The following PUS10 variants were observed in gnomAD, a reference collection of about 807,000 sequenced individuals.
The protein encoded by PUS10 is pseudouridine synthase 10.
Under a neutral mutation model 75.0 loss-of-function variants are expected in PUS10, and 59 were observed. That is an observed-to-expected ratio of 0.79 (90% CI 0.64 to 0.98). PUS10 has a LOEUF of 0.98. Among genes scored for constraint, PUS10 ranks in the 50% least tolerant of loss-of-function variants. PUS10 has a pLI of 0.00. For missense variants in PUS10, 650 were observed against 614.4 expected (o/e 1.06, Z -0.61); for synonymous variants, 219 against 211.6 (o/e 1.03, Z -0.30).
At chr2:61,017,479 T>C in intron 1 of PUS10, 1 of 332,472 alleles carries the variant, frequency 3.0e-6, no homozygotes, top group Non-Finnish European at 5.5e-6. Context: ...TCTAGGGAGT[T>C]GTAGCCGCTA....
chr2:61,014,828 A>G (rs1212776496), intron 1 of PUS10, among the ~76,000 whole-genome samples: 1 of 152,214 alleles, frequency 6.6e-6, no homozygotes, highest in Non-Finnish European at 1.5e-5. Context: ...TGATTCTTCT[A>G]GTCTGCGTTT....
At chr2:60,961,373 A>C in intron 10 of PUS10, 90 bp downstream of exon 10, 1 of 934,062 alleles carries the variant, frequency 1.1e-6, no homozygotes. Context: ...TAATAACAAC[A>C]ATAAGAATAA....
intron 10 of PUS10, 90 bp downstream of exon 10, chr2:60,961,373 A>G (rs1417980456): frequency 1.1e-6 from 1 of 934,062 alleles, no homozygotes; most frequent in Non-Finnish European, 1.7e-6. Flanking sequence ...TAATAACAAC[A>G]ATAAGAATAA....
At chr2:60,996,393 G>A (rs1431895505) in intron 4 of PUS10, among the ~76,000 whole-genome samples, 1 of 152,064 alleles carries the variant, frequency 6.6e-6, no homozygotes, top group Non-Finnish European at 1.5e-5. Flanking sequence ...TCCTAAACCT[G>A]CACCCATGTC....
At chr2:61,010,626 A>G (rs1679539387) in intron 2 of PUS10, 2 of 775,558 alleles carry the variant, frequency 2.6e-6, no homozygotes, top group East Asian at 2.9e-5. Flanking sequence ...CACCCAGCCA[A>G]TTTCTGGTTT....
At chr2:60,975,804 C>A (rs1677001572) in intron 4 of PUS10, among the ~76,000 whole-genome samples, 1 of 152,014 alleles carries the variant, frequency 6.6e-6, no homozygotes, top group Non-Finnish European at 1.5e-5. Context: ...CTCTGTCACC[C>A]AGGCTGGAGT....
rs1309799791 is a variant in PUS10 at position 60,953,052 on chromosome 2, A to G, written c.1253T>C (p.Ile418Thr). ...CTTCTGTATCGCTTTATTTGTCCAA[A>G]TTAAGGCACTGTAGGTCTTTGTCTT... is the stretch of plus-strand genomic sequence containing the variant. ...EEKTKTYSALIWTNKAIQKKD... is the reference protein window; with the variant it reads ...EEKTKTYSALTWTNKAIQKKD... The change falls in exon 15 of 18, where the codon ATT becomes ACT. Residue 418 changes from isoleucine to threonine, a missense_variant. Transcript: ENST00000316752. 5.0e-6 allele frequency: 8 copies of G among 1,609,774 alleles called. No homozygotes were observed. Among genetic ancestry groups the G allele is most frequent in the Middle Eastern group, 1.7e-4 (1 of 6,058 alleles).
At chr2:61,003,402 C>T (rs1678979685) in intron 4 of PUS10, among the ~76,000 whole-genome samples, 1 of 148,428 alleles carries the variant, frequency 6.7e-6, no homozygotes, top group African/African-American at 2.5e-5. Context: ...GCGGAGGCTG[C>T]AGTGAGCAGA....
rs189989890 is a variant in PUS10, at chr2:60,988,145, C to G, written c.469-16588G>C. Among the ~76,000 whole-genome samples the G allele has an allele frequency of 7.9e-5, 12 of 151,718 alleles. No individual in the cohort carries two copies. The East Asian group carries it at 2.3e-3, about 29-fold the overall frequency. On this transcript the variant is annotated intron_variant, in intron 4 of 17. Transcript: ENST00000316752. Reference sequence around the variant, plus strand: ...AATAACTAAACAAACTTTAAAAGGCCTAGGCTCACGAGATGTCAAAAATGA... The same window carrying G: ...AATAACTAAACAAACTTTAAAAGGCGTAGGCTCACGAGATGTCAAAAATGA...
At chr2:61,011,980 A>C (rs1679637321) in intron 1 of PUS10, 75 bp from the exon 2 acceptor site, 1 of 1,197,988 alleles carries the variant, frequency 8.3e-7, no homozygotes, top group Non-Finnish European at 1.2e-6. Flanking sequence ...ATGTTTAGGG[A>C]TAAAAACTAG....
Position 61,007,215 on chromosome 2 carries a change from GTTT to G in PUS10, c.382-575_382-573del, listed in dbSNP as rs758807191. ...AGTAATTTGAGAAGAGTAGGCTTTT[GTTT>G]TTTTTTTTTTAAAAAAAAGAAAATA... On this transcript the variant is annotated intron_variant, in intron 3 of 17. Coordinates refer to ENST00000316752, the MANE Select transcript of PUS10 (RefSeq NM_144709.4). Among the ~76,000 whole-genome samples the G allele has an allele frequency of 6.5e-3, 944 of 144,542 alleles. 7 individuals are homozygous for G. Among genetic ancestry groups the G allele is most frequent in the African/African-American group, 0.022 (872 of 39,240 alleles). 94.8% of individuals were successfully genotyped at this position (144,542 alleles called of 152,430 possible).
At chr2:60,942,680 C>T (rs544579573) in intron 17 of PUS10, among the ~76,000 whole-genome samples, 3 of 152,062 alleles carry the variant, frequency 2.0e-5, no homozygotes, top group Non-Finnish European at 4.4e-5. Flanking sequence ...TGCTTTTTGA[C>T]TGATAAGAGA....
At chr2:60,977,652 A>G (rs1573449343) in intron 4 of PUS10, among the ~76,000 whole-genome samples, 2 of 152,206 alleles carry the variant, frequency 1.3e-5, no homozygotes, top group South Asian at 4.1e-4. Flanking sequence ...TGAGAAAGTC[A>G]TATTTTCCAG....
At chr2:60,952,345 A>G (rs918550833) in intron 15 of PUS10, among the ~76,000 whole-genome samples, 2 of 151,688 alleles carry the variant, frequency 1.3e-5, no homozygotes, top group African/African-American at 4.8e-5. Flanking sequence ...AAAAAAAAAA[A>G]AAAAAAAGAA....
intron 6 of PUS10, 53 bp from the exon 7 acceptor site, chr2:60,965,537 C>T: frequency 8.2e-7 from 1 of 1,222,426 alleles, no homozygotes; most frequent in Non-Finnish European, 1.2e-6. Flanking sequence ...TAACATCTAA[C>T]AACTTATTAA....
At chr2:60,960,242 G>A in intron 11 of PUS10, 150 bp downstream of exon 11, 1 of 492,028 alleles carries the variant, frequency 2.0e-6, no homozygotes. Context: ...ACTTTAGGAG[G>A]CCAAGGTGGG....
chr2:60,966,700 C>T (rs1676363262), intron 6 of PUS10: 1 of 152,220 alleles, frequency 6.6e-6, no homozygotes, highest in South Asian at 2.1e-4. Flanking sequence ...ATTCTCTATT[C>T]TCTCAATACT....
chr2:60,998,444 C>T (rs1678622895), intron 4 of PUS10, among the ~76,000 whole-genome samples: 1 of 152,184 alleles, frequency 6.6e-6, no homozygotes, highest in Admixed American at 6.5e-5. Context: ...GTAATCCTAG[C>T]ACTTTGGGAG....
chr2:60,981,178 C>T (rs1192836413), intron 4 of PUS10, among the ~76,000 whole-genome samples: 2 of 151,972 alleles, frequency 1.3e-5, no homozygotes, highest in Non-Finnish European at 2.9e-5. Flanking sequence ...CAGGTGTGAG[C>T]CACCACGCCA....
Sources: allele counts gnomAD v4.1 joint callset (sites outside exome capture counted in the v4.1 genomes callset), GRCh38; gene constraint gnomAD v4.1.1; transcripts MANE v1.5; gene names NCBI Gene and HGNC (gene_info 2026-07-23, HGNC 2026-07-21).